The following ATP10B variants were observed in gnomAD, a reference collection of about 807,000 sequenced individuals.
ATP10B encodes phospholipid-transporting ATPase VB.
A neutral mutation model predicts 141.2 loss-of-function variants in ATP10B; 122 were observed. The ratio of observed to expected loss-of-function variants is 0.86; its 90% CI spans 0.75 to 1.00. The LOEUF (loss-of-function observed/expected upper bound fraction) is 1.00, where lower values mean the gene tolerates loss of function less well. Among genes scored for constraint, ATP10B ranks in the 50% least tolerant of loss-of-function variants. The probability of loss-of-function intolerance (pLI) is 0.00; values close to 1 mark genes in which losing one functional copy is unlikely to be tolerated. For missense variants in ATP10B, 1,876 were observed against 1,825.3 expected, an observed-to-expected ratio of 1.03 and a Z score of -0.51; for synonymous variants, 685 against 692.0, an observed-to-expected ratio of 0.99 and a Z score of 0.16.
the ATP10B span, among the ~76,000 whole-genome samples, chr5:160,874,173 C>T: frequency 3.7e-3 from 564 of 152,194 alleles, no homozygotes; most frequent in African/African-American, 0.011. Flanking sequence ...TCTCCCAGCA[C>T]GCAGCTGGAG....
the ATP10B span, among the ~76,000 whole-genome samples, chr5:160,910,270 T>C: frequency 1.3e-5 from 2 of 152,204 alleles, no homozygotes; most frequent in Non-Finnish European, 2.9e-5. Context: ...AGGTTTTCCC[T>C]TGATTCTCTT....
At chr5:160,905,363 C>T in the ATP10B span, among the ~76,000 whole-genome samples, 1 of 152,316 alleles carries the variant, frequency 6.6e-6, no homozygotes, top group South Asian at 2.1e-4. Context: ...CAGCCTCTGC[C>T]ATTTAATAGT....
chr5:160,893,214 A>T, the ATP10B span, among the ~76,000 whole-genome samples: 1 of 152,032 alleles, frequency 6.6e-6, no homozygotes, highest in Non-Finnish European at 1.5e-5. Context: ...CACTCCCCTG[A>T]AAAGGGGGCT....
intron 11 of ATP10B, among the ~76,000 whole-genome samples, chr5:160,635,804 A>G (rs1168090973): frequency 3.9e-5 from 6 of 152,008 alleles, no homozygotes; most frequent in African/African-American, 9.7e-5. Flanking sequence ...CTCTCTCTCA[A>G]TGTTGGGGCA....
At chr5:160,915,935 C>T in the ATP10B span, among the ~76,000 whole-genome samples, 9 of 152,190 alleles carry the variant, frequency 5.9e-5, no homozygotes, top group African/African-American at 2.2e-4. Flanking sequence ...CTGTAAAAAT[C>T]ACACAGCACT....
chr5:160,920,570 G>A, the ATP10B span, among the ~76,000 whole-genome samples: 1 of 152,156 alleles, frequency 6.6e-6, no homozygotes, highest in African/African-American at 2.4e-5. Flanking sequence ...GTAACAAAAT[G>A]GGTCCTGTTT....
chr5:160,928,800 TACA>T, the ATP10B span, among the ~76,000 whole-genome samples: 7 of 152,204 alleles, frequency 4.6e-5, no homozygotes, highest in Non-Finnish European at 7.3e-5. Context: ...CTTGAAATAG[TACA>T]ACTAGTGCCC....
chr5:160,619,031 T>G (rs1241909473), intron 15 of ATP10B, among the ~76,000 whole-genome samples: 3 of 152,338 alleles, frequency 2.0e-5, no homozygotes, highest in Non-Finnish European at 2.9e-5. Context: ...ATATAAAACT[T>G]GTTTCAAAGA....
chr5:160,751,075 A>G (rs115794413), intron 2 of ATP10B, among the ~76,000 whole-genome samples: 4,468 of 152,342 alleles, frequency 0.029, 210 homozygotes, highest in African/African-American at 0.1. Context: ...TCATGCAGTC[A>G]TAGCCTGTTT....
chr5:160,640,545 G>A lies in ATP10B; in HGVS notation c.916C>T (p.Arg306Cys), dbSNP rs757946234. The A allele has an allele frequency of 3.8e-5, 62 of 1,613,978 alleles. No individual in the cohort carries two copies. The highest frequency in any genetic ancestry group is 6.7e-5 in the East Asian group (3 of 44,894). Reference protein sequence around the residue: ...MLNNSGPRYKRSKIERRMNID... With the variant: ...MLNNSGPRYKCSKIERRMNID... ...TTCATGCGCCGCTCAATCTTGCTGC[G>A]TTTGTACCGGGGGCCACTGTTGTTC... Residue 306 changes from arginine (R) to cysteine (C), a missense_variant, in exon 10 of 26, where the codon CGC (arginine) becomes TGC (cysteine). By Grantham distance (180) the Arg-to-Cys change is radical (BLOSUM62 -3). Coordinates refer to ENST00000327245, the MANE Select transcript of ATP10B (RefSeq NM_025153.3).
chr5:160,741,656 C>G (rs1171745483), intron 2 of ATP10B, among the ~76,000 whole-genome samples: 1 of 152,028 alleles, frequency 6.6e-6, no homozygotes, highest in East Asian at 1.9e-4. Flanking sequence ...TCCTTTTTAC[C>G]CAGTTGAGCC....
At chr5:160,632,413 G>T in intron 12 of ATP10B, 46 bp from the exon 13 acceptor site, 2 of 1,572,480 alleles carry the variant, frequency 1.3e-6, no homozygotes, top group South Asian at 1.1e-5. Context: ...ACCTCGGCTG[G>T]ACCATGTTGG....
Position 160,671,298 on chromosome 5 carries a change from A to G in ATP10B, c.471-631T>C, listed in dbSNP as rs374769907. Reference sequence around the variant, plus strand: ...GCCCTTGCTTCCTTAAAAGATAAAAATTTTAAAGGAGAAGGTAACTGTATT... The same window carrying G: ...GCCCTTGCTTCCTTAAAAGATAAAAGTTTTAAAGGAGAAGGTAACTGTATT... On this transcript the variant is annotated intron_variant, in intron 6 of 25. Coordinates refer to ENST00000327245, the MANE Select transcript of ATP10B (RefSeq NM_025153.3). Among the ~76,000 whole-genome samples, 6 of 152,220 alleles carry G rather than the reference A, an allele frequency of 3.9e-5. No individual in the cohort carries two copies. The East Asian group carries it at 9.6e-4, about 24-fold the overall frequency.
At chr5:160,719,091 T>C (rs180793678) in intron 2 of ATP10B, among the ~76,000 whole-genome samples, 3 of 152,260 alleles carry the variant, frequency 2.0e-5, no homozygotes, top group Non-Finnish European at 2.9e-5. Flanking sequence ...CAAAAGTAAT[T>C]GGGGTTTTTA....
the ATP10B span, among the ~76,000 whole-genome samples, chr5:160,910,472 C>CGTAGTATG: frequency 6.6e-6 from 1 of 152,024 alleles, no homozygotes; most frequent in Non-Finnish European, 1.5e-5. Context: ...AAGTCTGGCC[C>CGTAGTATG]GTAGTATGTG....
chr5:160,575,967 T>A (rs547325500), intron 24 of ATP10B, among the ~76,000 whole-genome samples: 2 of 152,200 alleles, frequency 1.3e-5, no homozygotes, highest in Non-Finnish European at 2.9e-5. Flanking sequence ...AGTAGTCCTT[T>A]CTACATTACG....
chr5:160,832,522 T>G (rs1037871418), intron 1 of ATP10B, among the ~76,000 whole-genome samples: 1 of 152,028 alleles, frequency 6.6e-6, no homozygotes. Flanking sequence ...CTGAAACAAA[T>G]GAATGAATAA....
intron 13 of ATP10B, 49 bp from the exon 14 acceptor site, chr5:160,622,634 C>T (rs753790147): frequency 2.0e-6 from 3 of 1,520,388 alleles, no homozygotes; most frequent in African/African-American, 1.4e-5. Context: ...AGGAAGCCCA[C>T]TCCAGAAGAA....
At chr5:160,684,828 G>T (rs1039500350) in intron 6 of ATP10B, 2 of 675,486 alleles carry the variant, frequency 3.0e-6, no homozygotes, top group South Asian at 1.6e-5. Context: ...AGAGTTTTTT[G>T]CTTTACCTGC....
Sources: allele counts gnomAD v4.1 joint callset (sites outside exome capture counted in the v4.1 genomes callset), GRCh38; gene constraint gnomAD v4.1.1; transcripts MANE v1.5; gene names NCBI Gene and HGNC (gene_info 2026-07-23, HGNC 2026-07-21).